CRTAM: variants seen among roughly 807,000 people sequenced by gnomAD.
CRTAM encodes cytotoxic and regulatory T-cell molecule.
Under a neutral mutation model 50.0 loss-of-function variants are expected in CRTAM, and 44 were observed. The ratio of observed to expected loss-of-function variants is 0.88; its 90% CI spans 0.69 to 1.13. The LOEUF (loss-of-function observed/expected upper bound fraction) is 1.13. Among genes scored for constraint, CRTAM ranks in the 50% most tolerant of loss-of-function variants. The pLI, the probability that CRTAM is intolerant of heterozygous loss-of-function variation, is 0.00. For missense variants in CRTAM, 448 were observed against 457.5 expected (o/e 0.98, Z 0.19); for synonymous variants, 159 against 169.3 (o/e 0.94, Z 0.47).
At chr11:122,852,594 G>A (rs974690295) in intron 3 of CRTAM, among the ~76,000 whole-genome samples, 5 of 152,108 alleles carry the variant, frequency 3.3e-5, no homozygotes, top group Non-Finnish European at 5.9e-5. Flanking sequence ...TACGGTAAAG[G>A]CATGATGGGA....
intron 9 of CRTAM, among the ~76,000 whole-genome samples, chr11:122,869,718 C>T (rs1159457704): frequency 6.6e-6 from 1 of 152,148 alleles, no homozygotes; most frequent in Non-Finnish European, 1.5e-5. Flanking sequence ...TTGTAGGAGG[C>T]TTGTCTTTTA....
chr11:122,850,830 G>A (rs1248663890), intron 2 of CRTAM, among the ~76,000 whole-genome samples: 1 of 152,178 alleles, frequency 6.6e-6, no homozygotes, highest in Non-Finnish European at 1.5e-5. Flanking sequence ...AATCTCTTGG[G>A]TTCATCTCTT....
intron 1 of CRTAM, among the ~76,000 whole-genome samples, chr11:122,846,459 C>G (rs889636985): frequency 3.3e-5 from 5 of 152,066 alleles, no homozygotes; most frequent in Admixed American, 6.6e-5. Context: ...AGGTGCCCAC[C>G]ACCACGCCAG....
chr11:122,871,325 A>T lies in CRTAM; in HGVS notation c.1108A>T (p.Thr370Ser). 6.2e-7 allele frequency: 1 copy of T among 1,613,956 alleles called. No homozygotes were observed. Among genetic ancestry groups the T allele is most frequent in the Non-Finnish European group, 8.5e-7 (1 of 1,179,854 alleles). The change falls in exon 10 of 10, where the codon ACA (threonine) becomes TCA (serine). Residue 370 changes from threonine to serine, a missense_variant. Transcript: ENST00000227348. Reference protein sequence around the residue: ...YITKLYSEAKTKRKENVQHSK... With the variant: ...YITKLYSEAKSKRKENVQHSK... ...CACAAAGTTGTACTCAGAAGCAAAA[A>T]CAAAGAGGAAGGAAAATGTACAACA...
chr11:122,842,201 A>G (rs1316509187), intron 1 of CRTAM, among the ~76,000 whole-genome samples: 1 of 152,238 alleles, frequency 6.6e-6, no homozygotes, highest in African/African-American at 2.4e-5. Context: ...CCTGATTCCT[A>G]TAGGCAATGG....
Position 122,862,552 on chromosome 11 carries a change from T to G in CRTAM, c.733+8T>G. 6.7e-7 allele frequency: 1 copy of G among 1,492,284 alleles called. No individual in the cohort carries two copies. Among genetic ancestry groups the G allele is most frequent in the Non-Finnish European group, 9.2e-7 (1 of 1,084,184 alleles). The allele number at this position is 1,492,284 out of a possible 1,614,324, so 92.4% of individuals were successfully genotyped here. A position where few individuals can be genotyped will look rare whatever the true frequency, so the allele number is the denominator to read the frequency against. On this transcript the variant is annotated splice_region_variant and intron_variant, in intron 6 of 9. Coordinates refer to ENST00000227348, the MANE Select transcript of CRTAM (RefSeq NM_019604.4). Reference sequence around the variant, plus strand: ...AGCAGCCCACCAGTACTGGTAAGTGTCAAAATCATTCAAACTTGTTTTTAA... The same window carrying G: ...AGCAGCCCACCAGTACTGGTAAGTGGCAAAATCATTCAAACTTGTTTTTAA...
At chr11:122,857,188 G>T (rs1004816061) in intron 5 of CRTAM, among the ~76,000 whole-genome samples, 1 of 152,182 alleles carries the variant, frequency 6.6e-6, no homozygotes, top group Admixed American at 6.5e-5. Context: ...ATAGGCTAAG[G>T]CCAGGCGTAA....
chr11:122,843,541 A>G (rs1027590212), intron 1 of CRTAM, among the ~76,000 whole-genome samples: 1 of 152,188 alleles, frequency 6.6e-6, no homozygotes, highest in African/African-American at 2.4e-5. Context: ...TGAAGCTCAG[A>G]TAGGACTAGG....
rs774339987 is a variant in CRTAM at position 122,862,453 on chromosome 11, C to G, written c.653-11C>G. 7 of 1,598,168 alleles carry G rather than the reference C, an allele frequency of 4.4e-6. No homozygotes were observed. The highest frequency in any genetic ancestry group is 6.0e-6 in the Non-Finnish European group (7 of 1,165,452). ...CTATAGTAGCAGAATTTTGTTTTTC[C>G]CCTTTCCTAGTTACTGATGAAGAGA... On this transcript the variant is annotated splice_polypyrimidine_tract_variant and intron_variant, in intron 5 of 9. Coordinates refer to ENST00000227348, the MANE Select transcript of CRTAM (RefSeq NM_019604.4).
At chr11:122,868,916 G>A (rs1423844877) in intron 9 of CRTAM, among the ~76,000 whole-genome samples, 1 of 152,190 alleles carries the variant, frequency 6.6e-6, no homozygotes, top group African/African-American at 2.4e-5. Flanking sequence ...GGCTGAGGCA[G>A]GAGAATGGCG....
rs755620252 is a variant in CRTAM at position 122,855,796 on chromosome 11, A to G, written c.592A>G (p.Ile198Val). 5 of 1,614,176 alleles carry G rather than the reference A, an allele frequency of 3.1e-6. No individual in the cohort carries two copies. The South Asian group carries it at 4.4e-5, about 14-fold the overall frequency. ...CAAAAATTCAACGGTGGACTGCATT[A>G]TCCGACACAGAGGCCTGCAAGGGAG... ...YGKNSTVDCI[I>V]RHRGLQGRKL... The change falls in exon 5 of 10, where the codon ATC becomes GTC. Residue 198 changes from isoleucine to valine, a missense_variant. Transcript: ENST00000227348.
intron 5 of CRTAM, among the ~76,000 whole-genome samples, chr11:122,858,806 G>A (rs1420736467): frequency 6.6e-6 from 1 of 152,200 alleles, no homozygotes; most frequent in Non-Finnish European, 1.5e-5. Context: ...GGGATTAGAG[G>A]CGTGAGCTAC....
At chr11:122,844,046 AT>A (rs1407634934) in intron 1 of CRTAM, among the ~76,000 whole-genome samples, 1 of 152,252 alleles carries the variant, frequency 6.6e-6, no homozygotes, top group Non-Finnish European at 1.5e-5. Context: ...AACAACGAAT[AT>A]TCTATGCCTC....
At chr11:122,867,266 CA>C (rs1293473397) in intron 7 of CRTAM, 142 bp from the exon 8 acceptor site, 1 of 652,268 alleles carries the variant, frequency 1.5e-6, no homozygotes, top group African/African-American at 1.8e-5. Context: ...TCTTTACCTT[CA>C]GGGGTAAGCT....
intron 9 of CRTAM, among the ~76,000 whole-genome samples, chr11:122,869,679 G>A (rs765760380): frequency 2.6e-5 from 4 of 152,106 alleles, no homozygotes; most frequent in Non-Finnish European, 4.4e-5. Context: ...GAGTTTTGCC[G>A]CTCTATTCTA....
Position 122,864,754 on chromosome 11 carries a change from C to T in CRTAM, c.817+35C>T, listed in dbSNP as rs748868977. 7 of 1,462,244 alleles carry T rather than the reference C, an allele frequency of 4.8e-6. No individual in the cohort carries two copies. The Middle Eastern group carries it at 5.2e-4, about 108-fold the overall frequency. 90.6% of individuals were successfully genotyped at this position (1,462,244 alleles called of 1,614,324 possible). ...ACCCACTGCATTTAGAATAAACACTCGACATTTTAACCTCTTAATCGATAA... is the reference window on the plus strand; with the variant it reads ...ACCCACTGCATTTAGAATAAACACTTGACATTTTAACCTCTTAATCGATAA... On this transcript the variant is annotated intron_variant, in intron 7 of 9. Transcript: ENST00000227348.
In CRTAM at chr11:122,849,355, C is replaced by T. The variant is rs116819604; in HGVS notation, c.47-713C>T. Among the ~76,000 whole-genome samples the T allele has an allele frequency of 1.6e-3, 241 of 152,330 alleles. 2 individuals are homozygous for T. The highest frequency in any genetic ancestry group is 5.5e-3 in the African/African-American group (227 of 41,578). On this transcript the variant is annotated intron_variant, in intron 1 of 9. Coordinates refer to ENST00000227348, the MANE Select transcript of CRTAM (RefSeq NM_019604.4). ...CTGGGTACAGATCCCAGCTCAATGA[C>T]CTCTGTTACCTTGAGCCTCTATTCC...
intron 4 of CRTAM, among the ~76,000 whole-genome samples, chr11:122,854,849 G>A (rs1366553351): frequency 6.6e-6 from 1 of 152,048 alleles, no homozygotes; most frequent in Non-Finnish European, 1.5e-5. Context: ...AGCACCTAAA[G>A]GTTGAGCCTT....
chr11:122,864,019 T>G (rs1862135659), intron 6 of CRTAM, among the ~76,000 whole-genome samples: 1 of 152,206 alleles, frequency 6.6e-6, no homozygotes, highest in Admixed American at 6.5e-5. Context: ...TTCTGATTTT[T>G]TATAATTTAT....
Sources: gnomAD v4.1 joint callset for allele counts (sites outside exome capture counted in the v4.1 genomes callset) on GRCh38, gnomAD v4.1.1 for gene constraint, MANE v1.5 for transcripts, NCBI Gene and HGNC (gene_info 2026-07-23, HGNC 2026-07-21) for gene names.